The following WWOX variants were observed in gnomAD, a reference collection of about 807,000 sequenced individuals.
WWOX encodes WW domain containing oxidoreductase.
Under a neutral mutation model 46.2 loss-of-function variants are expected in WWOX, and 69 were observed. The ratio of observed to expected loss-of-function variants is 1.49; its 90% CI spans 1.23 to 1.82. The LOEUF (loss-of-function observed/expected upper bound fraction) is 1.82, where lower values mean the gene tolerates loss of function less well. Among genes scored for constraint, WWOX ranks in the 40% most tolerant of loss-of-function variants. The pLI is 0.00. For missense variants in WWOX, 919 were observed against 542.6 expected, an observed-to-expected ratio of 1.69 and a Z score of -6.89; for synonymous variants, 359 against 202.6, an observed-to-expected ratio of 1.77 and a Z score of -6.56.
Position 78,470,586 on chromosome 16 carries a change from A to G in WWOX, c.1056+37834A>G, listed in dbSNP as rs539338723. On this transcript the variant is annotated intron_variant, in intron 8 of 8. Coordinates refer to ENST00000566780, the MANE Select transcript of WWOX (RefSeq NM_016373.4). ...GCTCTGTCGCCCAGGCTGGAGTGCA[A>G]TGGCACCATCTTGACTTACTGAAAC... Among the ~76,000 whole-genome samples, 28 of 152,172 alleles carry G rather than the reference A, an allele frequency of 1.8e-4. No homozygotes were observed. In the East Asian group the frequency reaches 2.9e-3, roughly 16 times the overall value.
intron 8 of WWOX, among the ~76,000 whole-genome samples, chr16:79,034,810 C>T (rs62040106): frequency 0.052 from 7,935 of 152,120 alleles, 271 homozygotes; most frequent in South Asian, 0.15. Flanking sequence ...CATTGTATCA[C>T]GAAACATACC....
At chr16:79,183,539 A>G (rs13330002) in intron 8 of WWOX, among the ~76,000 whole-genome samples, 7,602 of 152,188 alleles carry the variant, frequency 0.05, 584 homozygotes, top group African/African-American at 0.17. Context: ...AACCATAATC[A>G]TTGTGCTAAT....
At position 79,164,845 on chromosome 16, in the gene WWOX, C is replaced by T. The variant is rs76686121; in HGVS notation, c.1057-46763C>T. Among the ~76,000 whole-genome samples the T allele has an allele frequency of 1.7e-3, 252 of 152,198 alleles. 1 individual carries two copies. The highest frequency in any genetic ancestry group is 5.5e-3 in the African/African-American group (229 of 41,510). On this transcript the variant is annotated intron_variant, in intron 8 of 8. Coordinates refer to ENST00000566780, the MANE Select transcript of WWOX (RefSeq NM_016373.4). ...ATTTATGTAGCACCAGCCCTGAAAT[C>T]GGAGACTCATAAAACCTACAAATAC...
chr16:79,080,464 C>T (rs147636314), intron 8 of WWOX, among the ~76,000 whole-genome samples: 31 of 152,086 alleles, frequency 2.0e-4, no homozygotes, highest in Admixed American at 9.2e-4. Context: ...GAATTCAATT[C>T]TTCTCTTGCC....
chr16:78,994,048 C>T (rs1210955518), intron 8 of WWOX, among the ~76,000 whole-genome samples: 1 of 152,188 alleles, frequency 6.6e-6, no homozygotes, highest in African/African-American at 2.4e-5. Context: ...TTCTTTGACT[C>T]TGCTTAGCCA....
chr16:78,931,086 T>C (rs1193750920), intron 8 of WWOX, among the ~76,000 whole-genome samples: 2 of 152,198 alleles, frequency 1.3e-5, no homozygotes, highest in Non-Finnish European at 2.9e-5. Flanking sequence ...GAGCATATGG[T>C]AAATAAGAAT....
At chr16:78,578,278 A>ATTTTTTTTTTTTTTTTTTTTTTT (rs2044949393) in intron 8 of WWOX, among the ~76,000 whole-genome samples, 1 of 33,832 alleles carries the variant, frequency 3.0e-5, no homozygotes, top group African/African-American at 1.4e-4. Flanking sequence ...ATATATATAT[A>ATTTTTTTTTTTTTTTTTTTTTTT]TATATATTTT....
At chr16:78,134,105 C>T (rs557922771) in intron 4 of WWOX, among the ~76,000 whole-genome samples, 5 of 152,082 alleles carry the variant, frequency 3.3e-5, no homozygotes, top group East Asian at 3.9e-4. Context: ...ACCCTTGTGA[C>T]GAATAAGAAA....
intron 8 of WWOX, among the ~76,000 whole-genome samples, chr16:79,018,619 C>A (rs1213670945): frequency 6.6e-6 from 1 of 152,022 alleles, no homozygotes. Context: ...TATAAGACAC[C>A]ACCATTTCAA....
intron 8 of WWOX, among the ~76,000 whole-genome samples, chr16:78,997,972 G>C (rs2047022422): frequency 6.6e-6 from 1 of 152,038 alleles, no homozygotes; most frequent in African/African-American, 2.4e-5. Flanking sequence ...TGCCTCCTGG[G>C]TTCAAGCGAT....
chr16:78,561,456 C>T (rs1473133735), intron 8 of WWOX, among the ~76,000 whole-genome samples: 1 of 152,164 alleles, frequency 6.6e-6, no homozygotes, highest in Non-Finnish European at 1.5e-5. Flanking sequence ...TCTTAATTAA[C>T]ACTGGCAAAA....
intron 8 of WWOX, among the ~76,000 whole-genome samples, chr16:78,827,191 G>C (rs746930859): frequency 6.6e-6 from 1 of 152,112 alleles, no homozygotes; most frequent in Non-Finnish European, 1.5e-5. Flanking sequence ...CAAGTGAAAG[G>C]GTAAATGCAT....
intron 6 of WWOX, among the ~76,000 whole-genome samples, chr16:78,419,766 A>G (rs1305503586): frequency 6.7e-6 from 1 of 148,446 alleles, no homozygotes; most frequent in African/African-American, 2.6e-5. Context: ...CCCTGACAGC[A>G]CAAGTGACAA....
chr16:78,445,882 CG>C (rs202129757), intron 8 of WWOX, among the ~76,000 whole-genome samples: 79 of 40,886 alleles, frequency 1.9e-3, no homozygotes, highest in East Asian at 0.017. Flanking sequence ...TGTCTTGGGG[CG>C]GGGGGCAGGG....
chr16:79,032,889 A>T (rs1305548367), intron 8 of WWOX, among the ~76,000 whole-genome samples: 3 of 151,436 alleles, frequency 2.0e-5, no homozygotes, highest in Admixed American at 2.0e-4. Context: ...AGTGCCCATT[A>T]GTTATTTTTC....
At chr16:78,362,832 T>C (rs2081440182) in intron 5 of WWOX, among the ~76,000 whole-genome samples, 1 of 152,192 alleles carries the variant, frequency 6.6e-6, no homozygotes, top group African/African-American at 2.4e-5. Context: ...ATGAAGGAGA[T>C]ACTAGTATTT....
chr16:79,115,985 GA>G (rs767095693), intron 8 of WWOX, among the ~76,000 whole-genome samples: 3 of 152,186 alleles, frequency 2.0e-5, no homozygotes, highest in Non-Finnish European at 2.9e-5. Context: ...CAAGTCACAT[GA>G]ATTTTGGAGT....
At chr16:79,068,151 G>T (rs1474906825) in intron 8 of WWOX, among the ~76,000 whole-genome samples, 1 of 152,160 alleles carries the variant, frequency 6.6e-6, no homozygotes, top group African/African-American at 2.4e-5. Flanking sequence ...GTGGAATCTG[G>T]TAAGAGTGAT....
intron 8 of WWOX, among the ~76,000 whole-genome samples, chr16:78,787,103 G>T (rs2050476380): frequency 6.6e-6 from 1 of 152,128 alleles, no homozygotes; most frequent in Non-Finnish European, 1.5e-5. Flanking sequence ...AGCCAAGATT[G>T]CACCACTGGA....
Sources: gnomAD v4.1 joint callset for allele counts (sites outside exome capture counted in the v4.1 genomes callset) on GRCh38, gnomAD v4.1.1 for gene constraint, MANE v1.5 for transcripts, NCBI Gene and HGNC (gene_info 2026-07-23, HGNC 2026-07-21) for gene names.